FAM234A: variants seen among roughly 807,000 people sequenced by gnomAD.
FAM234A encodes protein FAM234A.
Under a neutral mutation model 49.1 loss-of-function variants are expected in FAM234A, and 42 were observed. That is an observed-to-expected ratio of 0.86 (90% CI 0.67 to 1.11). The LOEUF is 1.11. FAM234A is among the 50% of genes least tolerant of loss of function. The pLI is 0.00. For missense variants in FAM234A, 815 were observed against 745.2 expected (o/e 1.09, Z -1.09); for synonymous variants, 369 against 316.2 (o/e 1.17, Z -1.77).
rs749450564 is a variant in FAM234A at position 254,637 on chromosome 16, G to A, written c.224G>A (p.Arg75Gln). 4 of 1,610,906 alleles carry A rather than the reference G, an allele frequency of 2.5e-6. No individual in the cohort carries two copies. The highest frequency in any genetic ancestry group is 2.5e-6 in the Non-Finnish European group (3 of 1,178,584). The change falls in exon 3 of 13, where the codon CGG becomes CAG. Residue 75 changes from arginine to glutamine, a missense_variant. Physicochemically the swap from Arg to Gln is conservative, Grantham distance 43 (BLOSUM62 1). Transcript: ENST00000399932. ...VVSFVIPCPDRPASQRMWRID... is the reference protein window; with the variant it reads ...VVSFVIPCPDQPASQRMWRID... ...TCATTCGTCATCCCGTGTCCAGACC[G>A]GCCGGCGTCACAGCGAATGTGGAGG... is the stretch of plus-strand genomic sequence containing the variant.
At chr16:255,128 A>G (rs1361680366) in intron 3 of FAM234A, among the ~76,000 whole-genome samples, 1 of 152,154 alleles carries the variant, frequency 6.6e-6, no homozygotes, top group Middle Eastern at 3.2e-3. Flanking sequence ...TGCTGAGATT[A>G]CAGGCGTGAG....
chr16:262,517 T>G lies in FAM234A; in HGVS notation c.935T>G (p.Met312Arg), dbSNP rs2051508869. 7.4e-6 allele frequency: 12 copies of G among 1,611,108 alleles called. No homozygotes were observed. Among genetic ancestry groups the G allele is most frequent in the Non-Finnish European group, 1.0e-5 (12 of 1,178,666 alleles). ...PFKSDPHWES[M>R]LNATTRRMLS... ...AAGAGTGACCCGCACTGGGAGAGCA[T>G]GCTCAATGCCACCACCCGCAGGATG... The change falls in exon 8 of 13, where the codon ATG becomes AGG. Residue 312 changes from methionine to arginine, a missense_variant. Physicochemically the swap from Met to Arg is moderately conservative, Grantham distance 91. Coordinates refer to ENST00000399932, the MANE Select transcript of FAM234A (RefSeq NM_032039.4).
At chr16:242,052 GC>G (rs1326138873) in intron 1 of FAM234A, among the ~76,000 whole-genome samples, 1 of 152,058 alleles carries the variant, frequency 6.6e-6, no homozygotes, top group Non-Finnish European at 1.5e-5. Context: ...TGGTATTCCT[GC>G]CCCACCCCTG....
At chr16:252,126 G>T (rs952491968) in intron 2 of FAM234A, among the ~76,000 whole-genome samples, 1 of 150,760 alleles carries the variant, frequency 6.6e-6, no homozygotes, top group African/African-American at 2.4e-5. Context: ...GCCTCCCAAA[G>T]TACTGGCATT....
intron 2 of FAM234A, among the ~76,000 whole-genome samples, chr16:251,646 C>T (rs754026106): frequency 5.0e-5 from 7 of 139,588 alleles, no homozygotes; most frequent in East Asian, 2.4e-4. Flanking sequence ...CAGAGTGCTG[C>T]GATTACAGGC....
Position 262,444 on chromosome 16 carries a change from T to C in FAM234A, c.862T>C (p.Ser288Pro). 1 of 1,608,210 alleles carries C rather than the reference T, an allele frequency of 6.2e-7. No homozygotes were observed. Among genetic ancestry groups the C allele is most frequent in the Non-Finnish European group, 8.5e-7 (1 of 1,176,854 alleles). The part of the protein sequence containing the change: ...FPCASSLCGC[S>P]VKGLYEKVTG... Reference sequence around the variant, plus strand: ...AATAGCAAGCTCCCTCTGCGGCTGCTCTGTGAAGGGTCTCTACGAGAAGGT... The same window carrying C: ...AATAGCAAGCTCCCTCTGCGGCTGCCCTGTGAAGGGTCTCTACGAGAAGGT... Residue 288 changes from serine (S) to proline (P), a missense_variant, in exon 8 of 13, where the codon TCT (serine) becomes CCT (proline). Coordinates refer to ENST00000399932, the MANE Select transcript of FAM234A (RefSeq NM_032039.4).
chr16:269,241 G>A (rs1425793133), downstream of FAM234A: 2 of 1,448,464 alleles, frequency 1.4e-6, no homozygotes, highest in East Asian at 2.4e-5. Flanking sequence ...GAGCTGCAGG[G>A]ACTAGAGTGG....
intron 1 of FAM234A, among the ~76,000 whole-genome samples, chr16:235,536 A>G (rs528324651): frequency 6.6e-6 from 1 of 152,274 alleles, no homozygotes; most frequent in Non-Finnish European, 1.5e-5. Flanking sequence ...ACAGACTGAT[A>G]GGATATCAGG....
downstream of FAM234A, chr16:268,658 C>G (rs2051780080): frequency 4.8e-6 from 5 of 1,043,806 alleles, no homozygotes; most frequent in East Asian, 1.3e-4. Flanking sequence ...AAAGCAGGTG[C>G]CGGCGCACCT....
rs537625760 is a variant in FAM234A, at chr16:242,388, A to G, written c.-139-7161A>G. Among the ~76,000 whole-genome samples, 18 of 152,036 alleles carry G rather than the reference A, an allele frequency of 1.2e-4. No individual in the cohort carries two copies. In the South Asian group the frequency reaches 3.3e-3, roughly 28 times the overall value. On this transcript the variant is annotated intron_variant, in intron 1 of 12. Transcript: ENST00000399932. ...CACCAACATACCCACCTAATTTTGT[A>G]TTTTTAGTAGAGTCGGGGTTTCACC...
chr16:254,435 G>A lies in FAM234A; in HGVS notation c.22G>A (p.Glu8Lys). Residue 8 changes from glutamate (E) to lysine (K), a missense_variant, in exon 3 of 13, where the codon GAG becomes AAG. Coordinates refer to ENST00000399932, the MANE Select transcript of FAM234A (RefSeq NM_032039.4). Reference sequence around the variant, plus strand: ...CGTGATGTTGGACCACAAGGACTTAGAGGCCGAAATCCACCCCTTGAAAAA... The same window carrying A: ...CGTGATGTTGGACCACAAGGACTTAAAGGCCGAAATCCACCCCTTGAAAAA... MLDHKDL[E>K]AEIHPLKNEE... 2 of 1,614,126 alleles carry A rather than the reference G, an allele frequency of 1.2e-6. No homozygotes were observed. Among genetic ancestry groups the A allele is most frequent in the South Asian group, 1.1e-5 (1 of 91,086 alleles).
At chr16:247,421 T>C (rs774668138) in intron 1 of FAM234A, among the ~76,000 whole-genome samples, 23 of 151,476 alleles carry the variant, frequency 1.5e-4, no homozygotes, top group Middle Eastern at 3.4e-3. Context: ...GAGACAACAC[T>C]CCCAGCCTTA....
At chr16:260,595 G>T in intron 5 of FAM234A, 1 of 475,504 alleles carries the variant, frequency 2.1e-6, no homozygotes, top group South Asian at 1.5e-5. Context: ...AGGTCTCCGA[G>T]CCCCAGCGGA....
At chr16:251,688 T>TTTG (rs1555462376) in intron 2 of FAM234A, among the ~76,000 whole-genome samples, 7 of 134,864 alleles carry the variant, frequency 5.2e-5, no homozygotes, top group Non-Finnish European at 3.0e-5. Flanking sequence ...GGTTTTTTTT[T>TTTG]TTTTTTTTTT....
At chr16:250,921 T>C (rs2050975518) in intron 2 of FAM234A, among the ~76,000 whole-genome samples, 1 of 152,230 alleles carries the variant, frequency 6.6e-6, no homozygotes, top group East Asian at 1.9e-4. Context: ...CACTGTATTA[T>C]GGATAGGCCA....
At chr16:259,060 C>T (rs1322559819) in intron 3 of FAM234A, among the ~76,000 whole-genome samples, 3 of 152,142 alleles carry the variant, frequency 2.0e-5, no homozygotes, top group African/African-American at 7.2e-5. Flanking sequence ...GGATTACAGG[C>T]GTGAGGCACC....
At chr16:262,689 TCA>T (rs2051519790) in intron 8 of FAM234A, 136 bp downstream of exon 8, 2 of 809,608 alleles carry the variant, frequency 2.5e-6, no homozygotes, top group African/African-American at 1.8e-5. Flanking sequence ...TACCGCAAGG[TCA>T]CCCTGGGCTC....
rs556829255 is a variant in FAM234A at position 254,555 on chromosome 16, C to A, written c.142C>A (p.Arg48=). Residue 48 remains arginine, a synonymous_variant, in exon 3 of 13, where the codon CGA becomes AGA. Transcript: ENST00000399932. ...TCCACAGTCCCGGCTCTCCCGGTGC[C>A]GAGCGGCGGCGTTTTTTCTTTCATT... is the stretch of plus-strand genomic sequence containing the variant. ...APPQSRLSRC[R]AAAFFLSLFL... is the part of the protein sequence containing the mutation. 2 of 1,614,092 alleles carry A rather than the reference C, an allele frequency of 1.2e-6. No individual in the cohort carries two copies. The highest frequency in any genetic ancestry group is 1.7e-6 in the Non-Finnish European group (2 of 1,180,048).
chr16:269,863 G>A (rs569588153), downstream of FAM234A: 252 of 392,402 alleles, frequency 6.4e-4, 2 homozygotes, highest in South Asian at 8.3e-3. Flanking sequence ...AGCCATTAGC[G>A]GGAACCAGGA....
Sources: gnomAD v4.1 joint callset for allele counts (sites outside exome capture counted in the v4.1 genomes callset) on GRCh38, gnomAD v4.1.1 for gene constraint, MANE v1.5 for transcripts, NCBI Gene and HGNC (gene_info 2026-07-23, HGNC 2026-07-21) for gene names.